NOL8: variants seen among roughly 807,000 people sequenced by gnomAD.
NOL8 encodes the protein nucleolar protein Nop132.
In NOL8, 93 loss-of-function variants were observed where a neutral mutation model predicts 116.1. That is an observed-to-expected ratio of 0.80 (90% CI 0.68 to 0.95). NOL8 has a LOEUF of 0.95. Ranked by LOEUF, NOL8 falls within the 40% of genes least tolerant of loss-of-function variation. The pLI is 0.00. For synonymous variants in NOL8, 419 were observed against 469.0 expected, an observed-to-expected ratio of 0.89 and a Z score of 1.38; for missense variants, 1,291 against 1,382.8, an observed-to-expected ratio of 0.93 and a Z score of 1.05.
chr9:92,323,392 A>G (rs750262129), intron 3 of NOL8, 49 bp downstream of exon 3: 20 of 1,552,356 alleles, frequency 1.3e-5, no homozygotes, highest in Admixed American at 1.9e-5. Flanking sequence ...TCCAAGTTAC[A>G]GAGTCATACA....
chr9:92,306,110 C>A (rs1285036567), intron 11 of NOL8, among the ~76,000 whole-genome samples: 1 of 152,208 alleles, frequency 6.6e-6, no homozygotes, highest in Non-Finnish European at 1.5e-5. Context: ...TCTCCTGCCT[C>A]AGCCTCCCAA....
Position 92,306,897 on chromosome 9 carries a change from A to G in NOL8, c.2814T>C (p.Ala938=), listed in dbSNP as rs778774699. The change falls in exon 11 of 17, where the codon GCT becomes GCC. Residue 938 remains alanine (A), a synonymous_variant. Transcript: ENST00000442668. The part of the protein sequence containing the change: ...SNSTNRGSVA[A]KKFKDIIHYD... The stretch of plus-strand genomic sequence containing the variant: ...AACATAAAACATACTTAAATTTCTT[A>G]GCAGCTACTGATCCTCTGTTTGTAG... The G allele has an allele frequency of 4.8e-5, 77 of 1,612,368 alleles. No individual in the cohort carries two copies. In the East Asian group the frequency reaches 1.7e-3, roughly 36 times the overall value.
chr9:92,297,891 G>GAA lies in NOL8; in HGVS notation c.3454-7_3454-6dup, dbSNP rs35121624. ...TTTATGTTTCTTTCGACAATCCTAG[G>GAA]AAAAAAAAAAGACTTGGTTAGCAAT... is the stretch of plus-strand genomic sequence containing the variant. On this transcript the variant is annotated splice_region_variant and splice_polypyrimidine_tract_variant and intron_variant, in intron 16 of 16. Transcript: ENST00000442668. 3 of 1,395,432 alleles carry GAA rather than the reference G, an allele frequency of 2.1e-6. No individual in the cohort carries two copies. Among genetic ancestry groups the GAA allele is most frequent in the South Asian group, 1.4e-5 (1 of 69,954 alleles). 86.4% of individuals were successfully genotyped at this position (1,395,432 alleles called of 1,614,324 possible). A position where few individuals can be genotyped will look rare whatever the true frequency, so the allele number is the denominator to read the frequency against.
chr9:92,318,916 CA>C, intron 5 of NOL8: 1 of 508,868 alleles, frequency 2.0e-6, no homozygotes, highest in Non-Finnish European at 3.4e-6. Flanking sequence ...AGATGGTTTA[CA>C]AAAAACACTG....
chr9:92,324,073 C>A lies in NOL8; in HGVS notation c.89G>T (p.Arg30Ile), dbSNP rs1840206801. ...CTCCACATCCGAAACTTCTCCAAAT[C>A]TGCTGAACTGATTTTGTAGGTCTGC... ...SEADLQNQFS[R>I]FGEVSDVEII... Residue 30 changes from arginine to isoleucine, a missense_variant, in exon 2 of 17, where the codon AGA becomes ATA. Coordinates refer to ENST00000442668, the MANE Select transcript of NOL8 (RefSeq NM_017948.6). The A allele has an allele frequency of 3.7e-6, 6 of 1,613,942 alleles. No homozygotes were observed. Among genetic ancestry groups the A allele is most frequent in the Admixed American group, 1.7e-5 (1 of 60,012 alleles).
In NOL8 at chr9:92,315,868, C is replaced by G. The variant is rs747413642; in HGVS notation, c.757G>C (p.Ala253Pro). 2.5e-6 allele frequency: 4 copies of G among 1,613,870 alleles called. No homozygotes were observed. Among genetic ancestry groups the G allele is most frequent in the Non-Finnish European group, 3.4e-6 (4 of 1,179,870 alleles). The change falls in exon 7 of 17, where the codon GCT becomes CCT. Residue 253 changes from alanine to proline, a missense_variant. Transcript: ENST00000442668. ...GAATCACAAGTTCTTTTTTGTGCAGCCTGTTGCTGTGTTAAGGGTGGTCTC... is the reference window on the plus strand; with the variant it reads ...GAATCACAAGTTCTTTTTTGTGCAGGCTGTTGCTGTGTTAAGGGTGGTCTC... ...IERPPLTQQQ[A>P]AQKRTCDSIT...
intron 14 of NOL8, 49 bp from the exon 15 acceptor site, chr9:92,299,003 T>G: frequency 3.3e-6 from 3 of 916,282 alleles, no homozygotes; most frequent in Admixed American, 6.5e-5. Context: ...TTGGTTGGTT[T>G]AATTTCAATA....
In NOL8 at chr9:92,305,841, A is replaced by C. The variant is rs1353070753; in HGVS notation, c.2826-11T>G. 2 of 1,593,006 alleles carry C rather than the reference A, an allele frequency of 1.3e-6. No individual in the cohort carries two copies. The highest frequency in any genetic ancestry group is 1.7e-6 in the Non-Finnish European group (2 of 1,161,734). On this transcript the variant is annotated splice_polypyrimidine_tract_variant and intron_variant, in intron 11 of 16. Coordinates refer to ENST00000442668, the MANE Select transcript of NOL8 (RefSeq NM_017948.6). The stretch of plus-strand genomic sequence containing the variant: ...TAATGTATGATGTCCCTATGTAAAA[A>C]AAGGAAGGGAGGTTGGAAGAGATAA...
chr9:92,315,306 T>C lies in NOL8; in HGVS notation c.1319A>G (p.His440Arg), dbSNP rs763241502. 1 of 1,613,976 alleles carries C rather than the reference T, an allele frequency of 6.2e-7. No individual in the cohort carries two copies. The part of the protein sequence containing the change: ...RKSNVESALS[H>R]GLKSLNRKSP... ...TTTACGATTAAGAGACTTTAATCCA[T>C]GACTGAGGGCTGACTCTACATTGCT... The change falls in exon 7 of 17, where the codon CAT becomes CGT. Residue 440 changes from histidine (H) to arginine (R), a missense_variant. Physicochemically the swap from His to Arg is conservative, Grantham distance 29. Coordinates refer to ENST00000442668, the MANE Select transcript of NOL8 (RefSeq NM_017948.6).
chr9:92,303,090 C>T (rs1436820974), intron 12 of NOL8, among the ~76,000 whole-genome samples: 1 of 151,710 alleles, frequency 6.6e-6, no homozygotes, highest in African/African-American at 2.4e-5. Context: ...CTACTGATTA[C>T]AGTGAAATAA....
Position 92,315,936 on chromosome 9 carries a change from G to T in NOL8, c.689C>A (p.Thr230Asn), listed in dbSNP as rs1166041468. 2 of 1,613,898 alleles carry T rather than the reference G, an allele frequency of 1.2e-6. No individual in the cohort carries two copies. Among genetic ancestry groups the T allele is most frequent in the South Asian group, 2.2e-5 (2 of 91,068 alleles). Residue 230 changes from threonine (T) to asparagine (N), a missense_variant, in exon 7 of 17, where the codon ACT becomes AAT. Physicochemically the swap from Thr to Asn is moderately conservative, Grantham distance 65. Transcript: ENST00000442668. Reference sequence around the variant, plus strand: ...CCTTGTACTCATGGCCAGAGACCCAGTGGAACTCTCATCCTTCTGCACTTT... The same window carrying T: ...CCTTGTACTCATGGCCAGAGACCCATTGGAACTCTCATCCTTCTGCACTTT... ...IIKVQKDESS[T>N]GSLAMSTRPR...
Position 92,310,670 on chromosome 9 carries a change from A to G in NOL8, c.2478T>C (p.Ser826=), listed in dbSNP as rs1197040259. The G allele has an allele frequency of 2.5e-6, 4 of 1,603,994 alleles. No homozygotes were observed. Among genetic ancestry groups the G allele is most frequent in the Admixed American group, 1.7e-5 (1 of 57,250 alleles). The change falls in exon 9 of 17, where the codon TCT becomes TCC. Residue 826 remains serine (S), a synonymous_variant. Coordinates refer to ENST00000442668, the MANE Select transcript of NOL8 (RefSeq NM_017948.6). ...SHPGEEWVKE[S]MGKTSGKLFD... is the part of the protein sequence containing the mutation. Reference sequence around the variant, plus strand: ...ACAGCTTCCCTGATGTTTTACCCATAGACTCCTGTGAAGAAACACAACATT... The same window carrying G: ...ACAGCTTCCCTGATGTTTTACCCATGGACTCCTGTGAAGAAACACAACATT...
At position 92,301,544 on chromosome 9, in the gene NOL8, A is replaced by C; in HGVS notation, c.3175+7T>G. 1.9e-6 allele frequency: 3 copies of C among 1,564,974 alleles called. No homozygotes were observed. The highest frequency in any genetic ancestry group is 2.6e-6 in the Non-Finnish European group (3 of 1,160,408). On this transcript the variant is annotated splice_region_variant and intron_variant, in intron 13 of 16. Transcript: ENST00000442668. ...AAATAAAAAAGTATGGGAAAAAAGA[A>C]AAGTACCTTCCTTTATGTCTTTAGT...
chr9:92,301,475 G>C, intron 13 of NOL8, 76 bp downstream of exon 13: 1 of 1,157,874 alleles, frequency 8.6e-7, no homozygotes, highest in Non-Finnish European at 1.2e-6. Flanking sequence ...CATGAAATCT[G>C]TTACACTTAA....
In NOL8 at chr9:92,319,214, G is replaced by C. The variant is rs777654942; in HGVS notation, c.417+7C>G. On this transcript the variant is annotated splice_region_variant and intron_variant, in intron 5 of 16. Transcript: ENST00000442668. Reference sequence around the variant, plus strand: ...TGTAATTGGCTCAGGCTACAGAGGAGACTCACCTTATGCCCTGGCACTTCT... The same window carrying C: ...TGTAATTGGCTCAGGCTACAGAGGACACTCACCTTATGCCCTGGCACTTCT... 2.6e-6 allele frequency: 4 copies of C among 1,542,502 alleles called. No homozygotes were observed. Among genetic ancestry groups the C allele is most frequent in the Non-Finnish European group, 2.6e-6 (3 of 1,153,000 alleles).
At chr9:92,298,148 A>T (rs867569295) in intron 16 of NOL8, 109 bp downstream of exon 16, 1 of 803,744 alleles carries the variant, frequency 1.2e-6, no homozygotes, top group Non-Finnish European at 2.0e-6. Flanking sequence ...CAATTGAGCC[A>T]GTCTGCAGTC....
intron 7 of NOL8, 72 bp downstream of exon 7, chr9:92,314,195 C>G (rs1839129067): frequency 6.7e-7 from 1 of 1,490,364 alleles, no homozygotes; most frequent in Non-Finnish European, 8.9e-7. Flanking sequence ...TGGGGGCACA[C>G]CTAACTTCAT....
intron 4 of NOL8, chr9:92,320,001 T>C: frequency 2.2e-6 from 1 of 449,722 alleles, no homozygotes; most frequent in Non-Finnish European, 4.5e-6. Flanking sequence ...AGACCATGGA[T>C]CGCAAGTTCT....
intron 4 of NOL8, chr9:92,320,208 G>T: frequency 2.2e-6 from 1 of 456,062 alleles, no homozygotes; most frequent in Admixed American, 2.3e-5. Flanking sequence ...CAACTGCACA[G>T]AGCAGTCCTC....
Sources: gnomAD v4.1 joint callset for allele counts (sites outside exome capture counted in the v4.1 genomes callset) on GRCh38, gnomAD v4.1.1 for gene constraint, MANE v1.5 for transcripts, NCBI Gene and HGNC (gene_info 2026-07-23, HGNC 2026-07-21) for gene names.